DEPDC5: variants seen among roughly 807,000 people sequenced by gnomAD.
DEPDC5 encodes the protein DEP domain containing 5, GATOR1 subcomplex subunit, also known as GATOR1 complex protein DEPDC5.
In DEPDC5, 73 loss-of-function variants were observed where a neutral mutation model predicts 217.3. The ratio of observed to expected loss-of-function variants is 0.34; its 90% CI spans 0.28 to 0.41. DEPDC5 has a LOEUF of 0.41. DEPDC5 is among the 10% of genes least tolerant of loss of function. The probability of loss-of-function intolerance (pLI) is 1.00; values close to 1 mark genes in which losing one functional copy is unlikely to be tolerated. For synonymous variants in DEPDC5, 733 were observed against 756.7 expected (o/e 0.97, Z 0.51); for missense variants, 1,675 against 2,070.1 (o/e 0.81, Z 3.70).
At chr22:31,824,691 G>A (rs1397436000) in intron 24 of DEPDC5, among the ~76,000 whole-genome samples, 1 of 152,044 alleles carries the variant, frequency 6.6e-6, no homozygotes, top group East Asian at 1.9e-4. Flanking sequence ...TACCTAGCCG[G>A]GCACTGTGGC....
intron 31 of DEPDC5, among the ~76,000 whole-genome samples, chr22:31,855,901 A>C (rs1180944830): frequency 6.6e-6 from 1 of 152,148 alleles, no homozygotes; most frequent in Non-Finnish European, 1.5e-5. Flanking sequence ...ATTACTTCTC[A>C]TTGAGTAACA....
At chr22:31,873,481 CT>C in intron 35 of DEPDC5, 149 bp downstream of exon 35, 1 of 743,742 alleles carries the variant, frequency 1.3e-6, no homozygotes, top group Non-Finnish European at 2.1e-6. Flanking sequence ...CTCTCTGAGC[CT>C]CTGTTTCCTT....
intron 15 of DEPDC5, among the ~76,000 whole-genome samples, chr22:31,803,053 T>C (rs923463059): frequency 3.3e-5 from 5 of 152,172 alleles, no homozygotes; most frequent in Non-Finnish European, 7.3e-5. Context: ...GCAGGTTCCA[T>C]AATGACAGGT....
chr22:31,864,255 T>C (rs112146935), intron 33 of DEPDC5, among the ~76,000 whole-genome samples: 3,288 of 151,248 alleles, frequency 0.022, 39 homozygotes, highest in Middle Eastern at 0.034. Context: ...ATTACAGGCA[T>C]GCACCACCAT....
chr22:31,815,260 T>C (rs773155250), intron 21 of DEPDC5, 48 bp downstream of exon 21: 5 of 1,600,106 alleles, frequency 3.1e-6, no homozygotes, highest in African/African-American at 2.7e-5. Context: ...TTTCTTAATA[T>C]AGTGGGTGAC....
intron 38 of DEPDC5, among the ~76,000 whole-genome samples, chr22:31,892,135 A>G (rs1052946566): frequency 4.6e-5 from 7 of 152,256 alleles, no homozygotes; most frequent in Non-Finnish European, 1.0e-4. Flanking sequence ...CTGTTTGCCC[A>G]TTGTGTTTCT....
chr22:31,873,379 G>A (rs1426869963), intron 35 of DEPDC5, 47 bp downstream of exon 35: 2 of 1,592,794 alleles, frequency 1.3e-6, no homozygotes, highest in Admixed American at 1.7e-5. Flanking sequence ...CCAGAAGCCT[G>A]TGCCACAGCC....
At position 31,810,549 on chromosome 22, in the gene DEPDC5, C is replaced by A; in HGVS notation, c.1353C>A (p.Asn451Lys). Reference sequence around the variant, plus strand: ...TCGGGAGTCCAAAAGAATCTGAGAACGCCCTTCCCATCCAAGTAGATTATG... The same window carrying A: ...TCGGGAGTCCAAAAGAATCTGAGAAAGCCCTTCCCATCCAAGTAGATTATG... ...TSLGSPKESE[N>K]ALPIQVDYDA... The change falls in exon 20 of 43, where the codon AAC becomes AAA. Residue 451 changes from asparagine to lysine, a missense_variant. By Grantham distance (94) the Asn-to-Lys change is moderately conservative (BLOSUM62 0). Around this residue, in one of 11 missense-constraint regions of DEPDC5, gnomAD observed 628 missense variants for 762.1 expected, o/e 0.82. Coordinates refer to ENST00000651528, the MANE Select transcript of DEPDC5 (RefSeq NM_001242896.3). 1 of 1,614,134 alleles carries A rather than the reference C, an allele frequency of 6.2e-7. No individual in the cohort carries two copies. The highest frequency in any genetic ancestry group is 8.5e-7 in the Non-Finnish European group (1 of 1,180,024).
At position 31,833,981 on chromosome 22, in the gene DEPDC5, G is replaced by A. The variant is rs2148924638; in HGVS notation, c.2170+1G>A. The stretch of plus-strand genomic sequence containing the variant: ...AGTGTTTCTACCTCTCCAGACCCAA[G>A]TAAGAGGGGGCAGCTGACTGGGGAA... On this transcript the variant is annotated splice_donor_variant, in intron 25 of 42. Transcript: ENST00000651528. LOFTEE classifies it high-confidence loss of function. 6.2e-7 allele frequency: 1 copy of A among 1,613,708 alleles called. No individual in the cohort carries two copies. The highest frequency in any genetic ancestry group is 8.5e-7 in the Non-Finnish European group (1 of 1,179,694).
At chr22:31,804,104 G>C in intron 15 of DEPDC5, 58 bp from the exon 16 acceptor site, 2 of 1,540,302 alleles carry the variant, frequency 1.3e-6, no homozygotes, top group Non-Finnish European at 1.8e-6. Context: ...TTTATAGATA[G>C]GGACACTTGT....
At chr22:31,825,826 C>T (rs1483821747) in intron 24 of DEPDC5, among the ~76,000 whole-genome samples, 3 of 152,120 alleles carry the variant, frequency 2.0e-5, no homozygotes, top group Non-Finnish European at 2.9e-5. Flanking sequence ...CACCCAGCTC[C>T]TCCCTGTGGT....
At chr22:31,771,398 A>G (rs1450513703) in intron 7 of DEPDC5, among the ~76,000 whole-genome samples, 1 of 152,146 alleles carries the variant, frequency 6.6e-6, no homozygotes, top group Non-Finnish European at 1.5e-5. Flanking sequence ...CAGCCTGGAC[A>G]ACATAGTAAG....
chr22:31,817,625 A>G (rs1054561695), intron 21 of DEPDC5: 32 of 188,992 alleles, frequency 1.7e-4, no homozygotes, highest in African/African-American at 7.1e-4. Context: ...AATAGCTGGG[A>G]CTACAGGTGT....
At chr22:31,894,419 T>C (rs1569225839) in intron 39 of DEPDC5, 3 of 152,194 alleles carry the variant, frequency 2.0e-5, no homozygotes, top group Admixed American at 6.5e-5. Context: ...TTGTTTTGCC[T>C]CGTTGTTTTT....
intron 7 of DEPDC5, among the ~76,000 whole-genome samples, chr22:31,777,501 C>G (rs1208335513): frequency 1.3e-5 from 2 of 151,712 alleles, no homozygotes; most frequent in Non-Finnish European, 2.9e-5. Flanking sequence ...ACCTCGTGAT[C>G]TGCCCTCCGT....
intron 33 of DEPDC5, 56 bp downstream of exon 33, chr22:31,861,489 G>A: frequency 1.3e-6 from 2 of 1,539,368 alleles, no homozygotes; most frequent in African/African-American, 1.4e-5. Flanking sequence ...GCCATGAGCT[G>A]GCCTTCTGTT....
At chr22:31,765,975 T>C (rs750196239) in intron 5 of DEPDC5, among the ~76,000 whole-genome samples, 1 of 152,146 alleles carries the variant, frequency 6.6e-6, no homozygotes, top group Non-Finnish European at 1.5e-5. Context: ...GTGAGTGAGC[T>C]GAGATCGTGC....
At chr22:31,864,415 G>A (rs2092615982) in intron 33 of DEPDC5, among the ~76,000 whole-genome samples, 1 of 148,946 alleles carries the variant, frequency 6.7e-6, no homozygotes, top group Admixed American at 6.7e-5. Context: ...GGCCCAGATG[G>A]CTGCTTTCAA....
intron 24 of DEPDC5, among the ~76,000 whole-genome samples, chr22:31,825,751 C>A (rs140235527): frequency 1.1e-4 from 17 of 152,306 alleles, no homozygotes; most frequent in South Asian, 2.1e-4. Context: ...AGATGCAGAT[C>A]TGATCAGCCA....
Sources: allele counts gnomAD v4.1 joint callset (sites outside exome capture counted in the v4.1 genomes callset), GRCh38; gene constraint gnomAD v4.1.1; regional missense constraint gnomAD v4.1.1; transcripts MANE v1.5; gene names NCBI Gene and HGNC (gene_info 2026-07-23, HGNC 2026-07-21).